NLRP12: variants seen among roughly 807,000 people sequenced by gnomAD.
The protein encoded by NLRP12 is NACHT, LRR and PYD domains-containing protein 12.
NLRP12 carries 108 observed loss-of-function variants against 91.2 expected under a neutral mutation model. The ratio of observed to expected loss-of-function variants is 1.18; its 90% CI spans 1.01 to 1.39. The LOEUF (loss-of-function observed/expected upper bound fraction) is 1.39. Ranked by LOEUF, NLRP12 falls within the 40% of genes most tolerant of loss-of-function variation. NLRP12 has a pLI of 0.00. For missense variants in NLRP12, 1,530 were observed against 1,352.7 expected (o/e 1.13, Z -2.06); for synonymous variants, 613 against 566.7 (o/e 1.08, Z -1.16).
chr19:53,819,529 G>GTATACGTATATACATGCGTATATA (rs1377215335), intron 1 of NLRP12, among the ~76,000 whole-genome samples: 6 of 28,308 alleles, frequency 2.1e-4, no homozygotes, highest in South Asian at 2.1e-3. Flanking sequence ...GTATATATGT[G>GTATACGTATATACATGCGTATATA]TGTATGTATA....
In NLRP12 at chr19:53,810,290, T is replaced by C; in HGVS notation, c.1369A>G (p.Asn457Asp). 6.2e-7 allele frequency: 1 copy of C among 1,613,932 alleles called. No homozygotes were observed. The highest frequency in any genetic ancestry group is 8.5e-7 in the Non-Finnish European group (1 of 1,180,006). ...GCCAAGGAGCACAACCCTCTCTGGT[T>C]GGGTGGGGGCTGGAGGCGCGGGGCC... ...PGAPRLQPPP[N>D]QRGLCSLAAD... Residue 457 changes from asparagine (N) to aspartate (D), a missense_variant, in exon 3 of 10, where the codon AAC (asparagine) becomes GAC (aspartate). By Grantham distance (23) the Asn-to-Asp change is conservative. Transcript: ENST00000324134.
intron 2 of NLRP12, among the ~76,000 whole-genome samples, chr19:53,813,371 G>A (rs371906127): frequency 3.1e-5 from 4 of 129,804 alleles, no homozygotes; most frequent in Admixed American, 9.3e-5. Flanking sequence ...GGCACGATTC[G>A]GCTTACTGCA....
rs556001110 is a variant in NLRP12 at position 53,795,954 on chromosome 19, G to A, written c.3003C>T (p.Thr1001=). ...YFTLGINQTL[T]DLYLTNNALG... The stretch of plus-strand genomic sequence containing the variant: ...GGGCGTTGTTGGTCAGGTAAAGGTC[G>A]GTCAAGGTCTGGTTGATCCCCAGGG... Residue 1001 remains threonine, a synonymous_variant, in exon 9 of 10, where the codon ACC becomes ACT. Transcript: ENST00000324134. 9.3e-6 allele frequency: 15 copies of A among 1,614,004 alleles called. No individual in the cohort carries two copies. The highest frequency in any genetic ancestry group is 6.7e-5 in the African/African-American group (5 of 74,918).
intron 4 of NLRP12, among the ~76,000 whole-genome samples, chr19:53,807,098 C>CA (rs1283508620): frequency 1.2e-4 from 18 of 151,904 alleles, no homozygotes; most frequent in African/African-American, 3.9e-4. Flanking sequence ...GATGGAGTCT[C>CA]ACCGTATCAC....
chr19:53,814,148 G>T (rs1436623290), intron 2 of NLRP12, among the ~76,000 whole-genome samples: 1 of 152,150 alleles, frequency 6.6e-6, no homozygotes, highest in Admixed American at 6.6e-5. Context: ...GTTGGTGGAT[G>T]CTGATTCATG....
chr19:53,809,734 G>A lies in NLRP12; in HGVS notation c.1925C>T (p.Ala642Val). Residue 642 changes from alanine (A) to valine (V), a missense_variant, in exon 3 of 10, where the codon GCC becomes GTC. Ala to Val is a moderately conservative substitution (Grantham distance 64). Coordinates refer to ENST00000324134, the MANE Select transcript of NLRP12 (RefSeq NM_144687.4). ...GGAGACCATGTGCTCCATCTTGGAG[G>A]CAATGTTGCTGACCACGATCACCTG... ...HFQVIVVSNI[A>V]SKMEHMVSSF... The A allele has an allele frequency of 6.2e-7, 1 of 1,614,096 alleles. No individual in the cohort carries two copies. Among genetic ancestry groups the A allele is most frequent in the Non-Finnish European group, 8.5e-7 (1 of 1,180,026 alleles).
intron 1 of NLRP12, 35 bp downstream of exon 1, chr19:53,823,851 G>T: frequency 6.2e-7 from 1 of 1,612,046 alleles, no homozygotes; most frequent in Non-Finnish European, 8.5e-7. Context: ...GACCCGGCTG[G>T]CATTCTAGCC....
chr19:53,810,133 T>TAC lies in NLRP12; in HGVS notation c.1524_1525dup (p.Tyr509CysfsTer8), dbSNP rs997456560. 3.1e-6 allele frequency: 5 copies of TAC among 1,614,068 alleles called. No individual in the cohort carries two copies. The African/African-American group carries it at 6.7e-5, about 22-fold the overall frequency. ...GAAACTCAAGTGGATGAAGCTGTAG[T>TAC]ACCTCTCACAGTTGATGTCCTTCTG... On this transcript the variant is annotated frameshift_variant, in exon 3 of 10. Coordinates refer to ENST00000324134, the MANE Select transcript of NLRP12 (RefSeq NM_144687.4). LOFTEE classifies it high-confidence loss of function.
chr19:53,794,146 CAA>C lies in NLRP12; in HGVS notation c.3099-12_3099-11del. Reference sequence around the variant, plus strand: ...GTCCATCCCAAATAACCTGTGGACACAAGAGTTGATATTATTCCAGTGTACTA... The same window carrying C: ...GTCCATCCCAAATAACCTGTGGACACGAGTTGATATTATTCCAGTGTACTA... On this transcript the variant is annotated splice_polypyrimidine_tract_variant and intron_variant, in intron 9 of 9. Coordinates refer to ENST00000324134, the MANE Select transcript of NLRP12 (RefSeq NM_144687.4). 1.9e-6 allele frequency: 3 copies of C among 1,587,080 alleles called. No individual in the cohort carries two copies. The highest frequency in any genetic ancestry group is 2.6e-6 in the Non-Finnish European group (3 of 1,155,372).
rs550644829 is a variant in NLRP12 at position 53,795,610 on chromosome 19, G to A, written c.3098+249C>T. Among the ~76,000 whole-genome samples the A allele has an allele frequency of 1.9e-3, 290 of 151,552 alleles. 1 individual carries two copies. Among genetic ancestry groups the A allele is most frequent in the Non-Finnish European group, 3.1e-3 (211 of 67,810 alleles). On this transcript the variant is annotated intron_variant, in intron 9 of 9. Transcript: ENST00000324134. The stretch of plus-strand genomic sequence containing the variant: ...AGGATGGTCTCGATCTCCTGACCTC[G>A]TGATCCACCCGCCTCGGCCTCCCAA...
intron 7 of NLRP12, among the ~76,000 whole-genome samples, chr19:53,799,079 C>A (rs927012159): frequency 1.6e-4 from 23 of 142,740 alleles, no homozygotes. Context: ...GTGGCGTGAT[C>A]TTGGCTCACT....
intron 4 of NLRP12, among the ~76,000 whole-genome samples, chr19:53,806,914 CA>C (rs2091969272): frequency 6.6e-6 from 1 of 151,172 alleles, no homozygotes; most frequent in Non-Finnish European, 1.5e-5. Flanking sequence ...ACCCACACAG[CA>C]GGATGACCAT....
rs536154004 is a variant in NLRP12 at position 53,819,946 on chromosome 19, G to T, written c.289+3940C>A. On this transcript the variant is annotated intron_variant, in intron 1 of 9. Coordinates refer to ENST00000324134, the MANE Select transcript of NLRP12 (RefSeq NM_144687.4). Reference sequence around the variant, plus strand: ...GAAAGGCTACAAACAAGTGTCTTTGGTTTTTTCAGTCATTAAAGACTTTGT... The same window carrying T: ...GAAAGGCTACAAACAAGTGTCTTTGTTTTTTTCAGTCATTAAAGACTTTGT... Among the ~76,000 whole-genome samples, 53 of 151,834 alleles carry T rather than the reference G, an allele frequency of 3.5e-4. No individual in the cohort carries two copies. The South Asian group carries it at 3.5e-3, about 10-fold the overall frequency.
chr19:53,823,962 C>A lies in NLRP12; in HGVS notation c.213G>T (p.Arg71Ser). ...ITHFGPEEAW[R>S]LALSTFERIN... ...TCCGCTCAAAGGTGCTGAGAGCCAA[C>A]CTCCAGGCCTCCTCTGGCCCGAAGT... The change falls in exon 1 of 10, where the codon AGG becomes AGT. Residue 71 changes from arginine (R) to serine (S), a missense_variant. Physicochemically the swap from Arg to Ser is moderately radical, Grantham distance 110. Transcript: ENST00000324134. 6.2e-7 allele frequency: 1 copy of A among 1,614,152 alleles called. No homozygotes were observed. The highest frequency in any genetic ancestry group is 1.3e-5 in the African/African-American group (1 of 75,022).
chr19:53,793,891 G>A lies in NLRP12; in HGVS notation c.*158C>T, dbSNP rs2091696627. The A allele has an allele frequency of 1.4e-6, 1 of 711,588 alleles. No individual in the cohort carries two copies. Among genetic ancestry groups the A allele is most frequent in the Non-Finnish European group, 2.6e-6 (1 of 388,772 alleles). The allele number at this position is 711,588 out of a possible 1,614,324, so 44.1% of individuals were successfully genotyped here. The stretch of plus-strand genomic sequence containing the variant: ...TGAGCCACCACGCCTGGCCAGCTCT[G>A]TCAAACATTAATTTGATCCCAAGCA... On this transcript the variant is annotated 3_prime_UTR_variant, in exon 10 of 10. Transcript: ENST00000324134.
intron 9 of NLRP12, among the ~76,000 whole-genome samples, chr19:53,795,503 T>G (rs1273482180): frequency 6.6e-6 from 1 of 151,322 alleles, no homozygotes; most frequent in African/African-American, 2.4e-5. Context: ...GCCTCCTGAG[T>G]AGCTGGGACT....
rs199476247 is a variant in NLRP12, at chr19:53,798,229, T to C, written c.2927+14A>G. The C allele has an allele frequency of 3.2e-3, 5,194 of 1,614,026 alleles. 14 individuals are homozygous for C. Among genetic ancestry groups the C allele is most frequent in the Non-Finnish European group, 4.1e-3 (4,870 of 1,179,950 alleles). ...AACGTGACCACTGCCACCCCGTCAC[T>C]CCCCGATGCTCACCACAGTTTCTGG... On this transcript the variant is annotated intron_variant, in intron 8 of 9. Coordinates refer to ENST00000324134, the MANE Select transcript of NLRP12 (RefSeq NM_144687.4).
chr19:53,823,983 G>A lies in NLRP12; in HGVS notation c.192C>T (p.Phe64=), dbSNP rs145729590. 6.6e-5 allele frequency: 106 copies of A among 1,614,024 alleles called. No individual in the cohort carries two copies. Among genetic ancestry groups the A allele is most frequent in the African/African-American group, 1.2e-4 (9 of 74,918 alleles). Residue 64 remains phenylalanine, a synonymous_variant, in exon 1 of 10, where the codon TTC becomes TTT. Coordinates refer to ENST00000324134, the MANE Select transcript of NLRP12 (RefSeq NM_144687.4). The part of the protein sequence containing the change: ...LEMAQLLITH[F]GPEEAWRLAL... ...CCAACCTCCAGGCCTCCTCTGGCCC[G>A]AAGTGGGTGATGAGCAGCTGGGCCA...
chr19:53,794,965 C>G (rs930977940), intron 9 of NLRP12, among the ~76,000 whole-genome samples: 10 of 151,572 alleles, frequency 6.6e-5, no homozygotes, highest in African/African-American at 2.2e-4. Context: ...CCTTTTTTTT[C>G]TTGAGACAAG....
Sources: allele counts gnomAD v4.1 joint callset (sites outside exome capture counted in the v4.1 genomes callset), GRCh38; gene constraint gnomAD v4.1.1; transcripts MANE v1.5; gene names NCBI Gene and HGNC (gene_info 2026-07-23, HGNC 2026-07-21).